The following NUP160 variants were observed in gnomAD, a reference collection of about 807,000 sequenced individuals.
NUP160 encodes the protein nucleoporin 160, also known as nuclear pore complex protein Nup160.
Under a neutral mutation model 196.9 loss-of-function variants are expected in NUP160, and 94 were observed. The ratio of observed to expected loss-of-function variants is 0.48; its 90% CI spans 0.40 to 0.57. The LOEUF is 0.57. Among genes scored for constraint, NUP160 ranks in the 20% least tolerant of loss-of-function variants. NUP160 has a pLI of 0.00. For synonymous variants in NUP160, 605 were observed against 619.7 expected, an observed-to-expected ratio of 0.98 and a Z score of 0.35; for missense variants, 1,638 against 1,748.3, an observed-to-expected ratio of 0.94 and a Z score of 1.13.
At chr11:47,842,569 C>T (rs1463905985) in intron 2 of NUP160, among the ~76,000 whole-genome samples, 2 of 152,120 alleles carry the variant, frequency 1.3e-5, no homozygotes, top group Non-Finnish European at 2.9e-5. Flanking sequence ...CCTCTGCTAC[C>T]CGAATCACTC....
exon 27 of NUP160, chr11:47,797,857 T>C (rs1485222484): frequency 3.7e-6 from 6 of 1,607,946 alleles, no homozygotes; most frequent in Non-Finnish European, 5.1e-6. Flanking sequence ...TCCACAGCTC[T>C]AGCACGTGAC....
intron 11 of NUP160, among the ~76,000 whole-genome samples, chr11:47,817,057 C>A (rs1253948742): frequency 6.6e-6 from 1 of 151,642 alleles, no homozygotes; most frequent in Non-Finnish European, 1.5e-5. Context: ...CTCACCATAC[C>A]CTTTACCTCC....
At chr11:47,845,827 C>T (rs1326346411) in intron 2 of NUP160, among the ~76,000 whole-genome samples, 2 of 151,786 alleles carry the variant, frequency 1.3e-5, no homozygotes, top group South Asian at 2.1e-4. Context: ...CACGCTACTC[C>T]GCCTGGCTTA....
At chr11:47,786,965 T>A in intron 31 of NUP160, 1 of 183,018 alleles carries the variant, frequency 5.5e-6, no homozygotes, top group East Asian at 1.5e-4. Context: ...ATTTTTTGTA[T>A]ATTTAGTAGA....
intron 5 of NUP160, 60 bp downstream of exon 5, chr11:47,837,485 G>T: frequency 7.9e-7 from 1 of 1,269,014 alleles, no homozygotes; most frequent in South Asian, 1.2e-5. Flanking sequence ...AATAACTGCC[G>T]ACCAGTGCAA....
chr11:47,816,021 G>A (rs150091964), exon 12 of NUP160: 12 of 1,611,082 alleles, frequency 7.4e-6, no homozygotes, highest in Non-Finnish European at 7.6e-6. Context: ...CAGTTCCTCG[G>A]CAGAAAATCT....
exon 3 of NUP160, chr11:47,840,531 C>G: frequency 1.2e-6 from 2 of 1,613,904 alleles, no homozygotes; most frequent in Non-Finnish European, 1.7e-6. Context: ...TGGCATTATT[C>G]AACAGATTTA....
chr11:47,835,867 T>C lies in NUP160; in HGVS notation c.943-58A>G, dbSNP rs141637517. 2,780 of 1,344,956 alleles carry C rather than the reference T, an allele frequency of 2.1e-3. 3 individuals carry two copies. The highest frequency in any genetic ancestry group is 8.8e-3 in the Middle Eastern group (47 of 5,320). 83.3% of individuals were successfully genotyped at this position (1,344,956 alleles called of 1,614,324 possible). A position where few individuals can be genotyped will look rare whatever the true frequency, so the allele number is the denominator to read the frequency against. On this transcript the variant is annotated intron_variant, in intron 6 of 35. Transcript: ENST00000378460. Reference sequence around the variant, plus strand: ...AAGGGATATTCAGGCTAGAAGAACATACCTTTTGAAAGGATGGACCTTTCA... The same window carrying C: ...AAGGGATATTCAGGCTAGAAGAACACACCTTTTGAAAGGATGGACCTTTCA...
chr11:47,824,034 TATATATATATATATATATAC>T lies in NUP160; in HGVS notation c.1102-1890_1102-1871del, dbSNP rs1459689486. Among the ~76,000 whole-genome samples, 11 of 124,494 alleles carry T rather than the reference TATATATATATATATATATAC, an allele frequency of 8.8e-5. 1 individual carries two copies. Among genetic ancestry groups the T allele is most frequent in the South Asian group, 2.5e-4 (1 of 3,980 alleles). The allele number at this position is 124,494 out of a possible 152,430, so 81.7% of individuals were successfully genotyped here. On this transcript the variant is annotated intron_variant, in intron 7 of 35. Coordinates refer to ENST00000378460, the Ensembl canonical transcript of NUP160. ...ATATATATATATATATATATATATA[TATATATATATATATATATAC>T]ACACACACATAGAAGTGGAATTTCT...
chr11:47,819,151 A>G (rs1259335752), intron 10 of NUP160, among the ~76,000 whole-genome samples: 1 of 151,968 alleles, frequency 6.6e-6, no homozygotes, highest in East Asian at 1.9e-4. Context: ...CCGTCTCTAC[A>G]AAAGTACAAA....
chr11:47,836,998 A>G (rs776493237), exon 6 of NUP160: 9 of 1,602,358 alleles, frequency 5.6e-6, no homozygotes, highest in Non-Finnish European at 6.8e-6. Context: ...GCGACTGGTC[A>G]CCCCTAAAAC....
rs544933102 is a variant in NUP160, at chr11:47,834,474, G to A, written c.1101+1177C>T. On this transcript the variant is annotated intron_variant, in intron 7 of 35. Coordinates refer to ENST00000378460, the Ensembl canonical transcript of NUP160. ...TATGTGCAATCAAGATAAATGTCTT[G>A]ATAGCATGATACTTTTGGGCCATAT... Among the ~76,000 whole-genome samples the A allele has an allele frequency of 3.9e-5, 6 of 152,256 alleles. No homozygotes were observed. In the East Asian group the frequency reaches 9.7e-4, roughly 25 times the overall value.
intron 8 of NUP160, 29 bp downstream of exon 8, chr11:47,822,058 T>G (rs1186048275): frequency 1.4e-6 from 2 of 1,415,816 alleles, no homozygotes; most frequent in African/African-American, 1.4e-5. Context: ...CTTGTACTTA[T>G]GTGATATGCA....
intron 7 of NUP160, among the ~76,000 whole-genome samples, chr11:47,835,149 T>A (rs544397418): frequency 6.6e-6 from 1 of 152,256 alleles, no homozygotes; most frequent in South Asian, 2.1e-4. Flanking sequence ...ATATAGCATA[T>A]GAGCCCAGAG....
At chr11:47,827,543 AAAC>A (rs1403658114) in intron 7 of NUP160, among the ~76,000 whole-genome samples, 2 of 151,844 alleles carry the variant, frequency 1.3e-5, no homozygotes, top group African/African-American at 4.8e-5. Context: ...CTCTACCAAA[AAAC>A]AACAATATAA....
In NUP160 at chr11:47,792,809, C is replaced by A. The variant is rs2097668610; in HGVS notation, c.3427G>T (p.Val1143Leu). The A allele has an allele frequency of 6.2e-7, 1 of 1,613,410 alleles. No homozygotes were observed. The highest frequency in any genetic ancestry group is 8.5e-7 in the Non-Finnish European group (1 of 1,179,786). ...ACCACTGCACCAGACACTGGCTGCACAATCCACGCATATTCTGGACGAATA... is the reference window on the plus strand; with the variant it reads ...ACCACTGCACCAGACACTGGCTGCAAAATCCACGCATATTCTGGACGAATA... Residue 1143 changes from valine to leucine, a missense_variant, in exon 28 of 36, where the codon GTG becomes TTG. This residue lies in a region of NUP160 where 1,345 missense variants were observed against 1,470.2 expected (regional missense o/e 0.91). Coordinates refer to ENST00000378460, the Ensembl canonical transcript of NUP160.
intron 7 of NUP160, among the ~76,000 whole-genome samples, chr11:47,822,570 TTTTC>T (rs996163495): frequency 6.6e-5 from 10 of 151,622 alleles, no homozygotes; most frequent in South Asian, 2.1e-4. Context: ...ATTTTTTTTC[TTTTC>T]TTTTTTTTTT....
intron 2 of NUP160, among the ~76,000 whole-genome samples, chr11:47,844,343 C>T (rs1011006249): frequency 6.6e-6 from 1 of 152,214 alleles, no homozygotes; most frequent in African/African-American, 2.4e-5. Flanking sequence ...CTTTAACCTT[C>T]CACAGCTTCT....
intron 34 of NUP160, among the ~76,000 whole-genome samples, chr11:47,782,301 A>AC (rs1318265244): frequency 2.2e-5 from 1 of 44,972 alleles, no homozygotes; most frequent in East Asian, 5.6e-4. Context: ...AAAAAAAAAA[A>AC]AAATATATAT....
Sources: allele counts gnomAD v4.1 joint callset (sites outside exome capture counted in the v4.1 genomes callset), GRCh38; gene constraint gnomAD v4.1.1; regional missense constraint gnomAD v4.1.1; transcripts MANE v1.5; gene names NCBI Gene and HGNC (gene_info 2026-07-23, HGNC 2026-07-21).